The following MDGA2 variants were observed in gnomAD, a reference collection of about 807,000 sequenced individuals.
The protein encoded by MDGA2 is MAM domain containing glycosylphosphatidylinositol anchor 2, also known as MAM domain-containing glycosylphosphatidylinositol anchor protein 2.
Under a neutral mutation model 117.8 loss-of-function variants are expected in MDGA2, and 40 were observed. The ratio of observed to expected loss-of-function variants is 0.34; its 90% CI spans 0.26 to 0.44. The LOEUF (loss-of-function observed/expected upper bound fraction) is 0.44, where lower values mean the gene tolerates loss of function less well. MDGA2 is among the 20% of genes least tolerant of loss of function. The probability of loss-of-function intolerance (pLI) is 1.00; values close to 1 mark genes in which losing one functional copy is unlikely to be tolerated. For synonymous variants in MDGA2, 452 were observed against 439.0 expected (o/e 1.03, Z -0.37); for missense variants, 1,123 against 1,250.6 (o/e 0.90, Z 1.54).
chr14:47,654,310 G>T (rs891210924), intron 1 of MDGA2, among the ~76,000 whole-genome samples: 1 of 152,170 alleles, frequency 6.6e-6, no homozygotes, highest in South Asian at 2.1e-4. Context: ...GGTTCCTATG[G>T]ACACTAGGTG....
intron 8 of MDGA2, among the ~76,000 whole-genome samples, chr14:46,985,976 G>A (rs1386538073): frequency 6.6e-6 from 1 of 151,944 alleles, no homozygotes; most frequent in African/African-American, 2.4e-5. Flanking sequence ...AGGTTTCAAA[G>A]GTTGCTGTAA....
chr14:47,216,947 A>G (rs995095128), intron 3 of MDGA2, among the ~76,000 whole-genome samples: 2 of 151,994 alleles, frequency 1.3e-5, no homozygotes, highest in Non-Finnish European at 2.9e-5. Context: ...AATAGAAGAT[A>G]CTGGAGAGGA....
chr14:47,216,829 G>A lies in MDGA2; in HGVS notation c.595+1192C>T, dbSNP rs149878884. Reference sequence around the variant, plus strand: ...GCCAGGGGCTATATTATTTTGGGAAGTATACAGGTGTGGTCAACCTGTGCA... The same window carrying A: ...GCCAGGGGCTATATTATTTTGGGAAATATACAGGTGTGGTCAACCTGTGCA... On this transcript the variant is annotated intron_variant, in intron 3 of 16. Coordinates refer to ENST00000399232, the MANE Select transcript of MDGA2 (RefSeq NM_001113498.3). Among the ~76,000 whole-genome samples, 319 of 152,172 alleles carry A rather than the reference G, an allele frequency of 2.1e-3. 4 individuals carry two copies. The highest frequency in any genetic ancestry group is 7.4e-3 in the African/African-American group (308 of 41,536).
chr14:46,954,049 TC>T (rs1385391363), intron 9 of MDGA2, among the ~76,000 whole-genome samples: 1 of 152,026 alleles, frequency 6.6e-6, no homozygotes, highest in Non-Finnish European at 1.5e-5. Flanking sequence ...TGTTGAAGCA[TC>T]CCTTGGGGTT....
At chr14:47,246,802 A>C (rs962291847) in intron 2 of MDGA2, among the ~76,000 whole-genome samples, 2 of 141,838 alleles carry the variant, frequency 1.4e-5, no homozygotes, top group South Asian at 2.3e-4. Context: ...CAGGTAATGA[A>C]ACACACACAC....
At chr14:46,972,408 G>A (rs535697798) in intron 8 of MDGA2, among the ~76,000 whole-genome samples, 5 of 152,240 alleles carry the variant, frequency 3.3e-5, no homozygotes, top group Non-Finnish European at 7.4e-5. Context: ...GGATCTGTCT[G>A]AATGTATATA....
At chr14:47,351,097 A>G (rs1890869701) in intron 1 of MDGA2, among the ~76,000 whole-genome samples, 1 of 93,676 alleles carries the variant, frequency 1.1e-5, no homozygotes, top group Non-Finnish European at 2.5e-5. Context: ...TTTTTTTTTG[A>G]AACGAAGTGT....
chr14:47,492,545 A>G (rs1894193163), intron 1 of MDGA2, among the ~76,000 whole-genome samples: 1 of 152,122 alleles, frequency 6.6e-6, no homozygotes, highest in South Asian at 2.1e-4. Flanking sequence ...GAGAAAAATG[A>G]CAAAAGAAAT....
chr14:47,083,345 T>C (rs1220889648), intron 6 of MDGA2, among the ~76,000 whole-genome samples: 1 of 151,310 alleles, frequency 6.6e-6, no homozygotes, highest in Non-Finnish European at 1.5e-5. Flanking sequence ...GGGGGTGGGG[T>C]GGAAGGTGGA....
In MDGA2 at chr14:47,393,093, A is replaced by AAATAAT. The variant is rs10601470; in HGVS notation, c.281-91549_281-91544dup. On this transcript the variant is annotated intron_variant, in intron 1 of 16. Transcript: ENST00000399232. ...GCTAACCAAAGAAACCAGATAATTA[A>AAATAAT]AATAATAATAATAATAATAATAATA... Among the ~76,000 whole-genome samples, 661 of 147,390 alleles carry AAATAAT rather than the reference A, an allele frequency of 4.5e-3. 6 individuals are homozygous for AAATAAT. Among genetic ancestry groups the AAATAAT allele is most frequent in the East Asian group, 0.024 (119 of 5,002 alleles).
intron 14 of MDGA2, among the ~76,000 whole-genome samples, chr14:46,862,441 A>G (rs1881548686): frequency 6.7e-6 from 1 of 149,092 alleles, no homozygotes; most frequent in Admixed American, 6.7e-5. Flanking sequence ...TATAATTTGC[A>G]TAAATAATAT....
chr14:46,961,101 C>T (rs1431808762), intron 8 of MDGA2, among the ~76,000 whole-genome samples: 6 of 151,906 alleles, frequency 3.9e-5, no homozygotes, highest in African/African-American at 7.2e-5. Flanking sequence ...CACACTTTGA[C>T]GTGAATGTCT....
At chr14:47,670,940 T>A (rs1898063740) in intron 1 of MDGA2, among the ~76,000 whole-genome samples, 1 of 152,208 alleles carries the variant, frequency 6.6e-6, no homozygotes, top group African/African-American at 2.4e-5. Flanking sequence ...AAATGGGTAG[T>A]ATCCATTAAA....
At chr14:47,121,190 T>C (rs1881632489) in intron 5 of MDGA2, among the ~76,000 whole-genome samples, 1 of 152,104 alleles carries the variant, frequency 6.6e-6, no homozygotes, top group Non-Finnish European at 1.5e-5. Flanking sequence ...TAAAAACCAG[T>C]TTCTATTTTC....
intron 8 of MDGA2, among the ~76,000 whole-genome samples, chr14:46,968,905 A>C (rs36082789): frequency 0.12 from 17,798 of 151,858 alleles, 1,981 homozygotes; most frequent in African/African-American, 0.27. Context: ...ACAAAATCAA[A>C]ACAAAAAAAT....
chr14:47,262,808 A>T (rs1487092901), intron 2 of MDGA2, among the ~76,000 whole-genome samples: 1 of 152,326 alleles, frequency 6.6e-6, no homozygotes, highest in East Asian at 1.9e-4. Context: ...TAATATCATT[A>T]TATGTGAATC....
At chr14:47,540,534 G>GTA in intron 1 of MDGA2, among the ~76,000 whole-genome samples, 1 of 71,352 alleles carries the variant, frequency 1.4e-5, no homozygotes, top group African/African-American at 4.0e-5. Flanking sequence ...GTGTGTGTGT[G>GTA]TGTGTGTATA....
intron 1 of MDGA2, among the ~76,000 whole-genome samples, chr14:47,638,268 T>C (rs1028745607): frequency 2.6e-5 from 4 of 152,166 alleles, no homozygotes; most frequent in Non-Finnish European, 5.9e-5. Context: ...ATTTGAGCAG[T>C]AGGAGTAACA....
At chr14:46,977,613 A>C (rs183770545) in intron 8 of MDGA2, among the ~76,000 whole-genome samples, 124 of 152,082 alleles carry the variant, frequency 8.2e-4, no homozygotes, top group African/African-American at 3.0e-3. Flanking sequence ...ATAACTAACC[A>C]TTTTATATGC....
Sources: allele counts gnomAD v4.1 joint callset (sites outside exome capture counted in the v4.1 genomes callset), GRCh38; gene constraint gnomAD v4.1.1; transcripts MANE v1.5; gene names NCBI Gene and HGNC (gene_info 2026-07-23, HGNC 2026-07-21).